The following ADAM7 variants were observed in gnomAD, a reference collection of about 807,000 sequenced individuals.
ADAM7 encodes disintegrin and metalloproteinase domain-containing protein 7.
A neutral mutation model predicts 102.9 loss-of-function variants in ADAM7; 97 were observed. That is an observed-to-expected ratio of 0.94 (90% CI 0.80 to 1.12). ADAM7 has a LOEUF of 1.12. Among genes scored for constraint, ADAM7 ranks in the 50% most tolerant of loss-of-function variants. The pLI is 0.00. For synonymous variants in ADAM7, 334 were observed against 304.4 expected, an observed-to-expected ratio of 1.10 and a Z score of -1.01; for missense variants, 991 against 908.7, an observed-to-expected ratio of 1.09 and a Z score of -1.16.
chr8:24,447,701 AAT>A (rs1174787434), intron 3 of ADAM7, among the ~76,000 whole-genome samples: 1 of 152,180 alleles, frequency 6.6e-6, no homozygotes, highest in Non-Finnish European at 1.5e-5. Context: ...TGTGTAACCA[AAT>A]AGTGTAATTG....
At chr8:24,447,508 G>A (rs1485491165) in intron 3 of ADAM7, among the ~76,000 whole-genome samples, 1 of 151,996 alleles carries the variant, frequency 6.6e-6, no homozygotes, top group Non-Finnish European at 1.5e-5. Flanking sequence ...AGTTTTTTGA[G>A]CTCCATATAG....
intron 3 of ADAM7, among the ~76,000 whole-genome samples, chr8:24,451,201 AT>A (rs1818774163): frequency 6.6e-6 from 1 of 151,516 alleles, no homozygotes; most frequent in South Asian, 2.1e-4. Context: ...TTTTCTATTG[AT>A]TGGAATAGTT....
rs190964179 is a variant in ADAM7, at chr8:24,493,069, G to A, written c.1682G>A (p.Cys561Tyr). ...GATGTCAGATGTGGAAAGATCTACT[G>A]CACTGGAGGGGAGCTTTCCTCTCTC... ...EKDVRCGKIY[C>Y]TGGELSSLLG... Residue 561 changes from cysteine (C) to tyrosine (Y), a missense_variant, in exon 16 of 22, where the codon TGC (cysteine) becomes TAC (tyrosine). By Grantham distance (194) the Cys-to-Tyr change is radical (BLOSUM62 -2). Transcript: ENST00000175238. The A allele has an allele frequency of 3.7e-5, 59 of 1,605,622 alleles. No individual in the cohort carries two copies. In the East Asian group the frequency reaches 7.2e-4, roughly 20 times the overall value.
intron 3 of ADAM7, among the ~76,000 whole-genome samples, chr8:24,448,200 G>T (rs963221668): frequency 6.6e-6 from 1 of 152,078 alleles, no homozygotes; most frequent in Non-Finnish European, 1.5e-5. Flanking sequence ...TTTACACTTT[G>T]CTGAGGAAGA....
At chr8:24,479,460 G>T (rs1819876421) in intron 8 of ADAM7, among the ~76,000 whole-genome samples, 1 of 152,090 alleles carries the variant, frequency 6.6e-6, no homozygotes, top group African/African-American at 2.4e-5. Flanking sequence ...TCCCTTGGCA[G>T]TTTAAAGCTT....
intron 16 of ADAM7, among the ~76,000 whole-genome samples, chr8:24,494,612 G>T (rs1820490453): frequency 6.6e-6 from 1 of 152,176 alleles, no homozygotes; most frequent in South Asian, 2.1e-4. Context: ...TAGGGCAGAA[G>T]TACATCCATC....
At chr8:24,491,007 C>CA in intron 13 of ADAM7, 119 bp downstream of exon 13, 2 of 938,636 alleles carry the variant, frequency 2.1e-6, no homozygotes, top group Non-Finnish European at 3.3e-6. Context: ...GCTAGGCTTG[C>CA]AAGTACCCAA....
At chr8:24,502,135 A>AGAAAATT (rs558084805) in intron 20 of ADAM7, among the ~76,000 whole-genome samples, 107 of 152,318 alleles carry the variant, frequency 7.0e-4, no homozygotes, top group African/African-American at 2.2e-3. Flanking sequence ...AATTAGAAAA[A>AGAAAATT]TTCTCAGTTG....
chr8:24,462,774 A>G (rs1819290355), intron 3 of ADAM7, among the ~76,000 whole-genome samples: 1 of 152,198 alleles, frequency 6.6e-6, no homozygotes, highest in Admixed American at 6.5e-5. Flanking sequence ...AATATTCCAA[A>G]TACTATCTTA....
chr8:24,451,862 T>C (rs1818805146), intron 3 of ADAM7, among the ~76,000 whole-genome samples: 1 of 150,600 alleles, frequency 6.6e-6, no homozygotes, highest in African/African-American at 2.4e-5. Flanking sequence ...TTTGTTCTCG[T>C]TGGTTTCAAA....
intron 6 of ADAM7, chr8:24,467,424 G>A: frequency 5.7e-6 from 1 of 174,908 alleles, no homozygotes; most frequent in African/African-American, 2.4e-5. Context: ...TCAGTTTTTG[G>A]TGGGATGGTT....
chr8:24,462,035 T>C (rs1056877582), intron 3 of ADAM7, among the ~76,000 whole-genome samples: 1 of 152,242 alleles, frequency 6.6e-6, no homozygotes, highest in Non-Finnish European at 1.5e-5. Flanking sequence ...TTCTTCATTG[T>C]GTAAATTTGA....
At chr8:24,469,618 T>TA (rs1375421917) in intron 7 of ADAM7, among the ~76,000 whole-genome samples, 10 of 151,484 alleles carry the variant, frequency 6.6e-5, no homozygotes, top group African/African-American at 2.2e-4. Flanking sequence ...TCAATCAACT[T>TA]AAAAAAAAGG....
At chr8:24,446,135 G>A (rs917752859) in intron 2 of ADAM7, among the ~76,000 whole-genome samples, 3 of 152,114 alleles carry the variant, frequency 2.0e-5, no homozygotes, top group African/African-American at 7.2e-5. Context: ...TCAAAGTAAT[G>A]TGCAACATGT....
intron 20 of ADAM7, among the ~76,000 whole-genome samples, chr8:24,502,120 T>A (rs1172604406): frequency 6.6e-6 from 1 of 152,128 alleles, no homozygotes; most frequent in Non-Finnish European, 1.5e-5. Context: ...TGGAAAGATA[T>A]CACTAATTAG....
At chr8:24,483,627 T>G (rs1306073209) in intron 9 of ADAM7, among the ~76,000 whole-genome samples, 1 of 152,172 alleles carries the variant, frequency 6.6e-6, no homozygotes, top group Non-Finnish European at 1.5e-5. Context: ...ATATCTGGGA[T>G]GGCCCATAGC....
At chr8:24,500,374 T>C (rs977215011) in intron 18 of ADAM7, 118 bp downstream of exon 18, 2 of 900,064 alleles carry the variant, frequency 2.2e-6, no homozygotes, top group African/African-American at 3.3e-5. Flanking sequence ...TTGTATGGTC[T>C]TCATATTATT....
In ADAM7 at chr8:24,484,038, G is replaced by C. The variant is rs9657284; in HGVS notation, c.876-1239G>C. Among the ~76,000 whole-genome samples, 767 of 152,228 alleles carry C rather than the reference G, an allele frequency of 5.0e-3. 8 individuals are homozygous for C. The highest frequency in any genetic ancestry group is 0.018 in the African/African-American group (731 of 41,538). ...ACTTAGATGTAGAAGTGGCAAGACA[G>C]TATATATGGCATTATCATGTGTTAC... is the stretch of plus-strand genomic sequence containing the variant. On this transcript the variant is annotated intron_variant, in intron 9 of 21. Coordinates refer to ENST00000175238, the MANE Select transcript of ADAM7 (RefSeq NM_003817.4).
intron 3 of ADAM7, among the ~76,000 whole-genome samples, chr8:24,457,855 TGTGTGTGA>T (rs1554538191): frequency 2.7e-5 from 3 of 109,324 alleles, no homozygotes; most frequent in Non-Finnish European, 5.7e-5. Flanking sequence ...TATGTGCATA[TGTGTGTGA>T]GTGTGTGTGT....
Sources: allele counts gnomAD v4.1 joint callset (sites outside exome capture counted in the v4.1 genomes callset), GRCh38; gene constraint gnomAD v4.1.1; transcripts MANE v1.5; gene names NCBI Gene and HGNC (gene_info 2026-07-23, HGNC 2026-07-21).